The following SGK1 variants were observed in gnomAD, a reference collection of about 807,000 sequenced individuals.
SGK1 encodes serine/threonine-protein kinase Sgk1.
A neutral mutation model predicts 64.2 loss-of-function variants in SGK1; 26 were observed. The ratio of observed to expected loss-of-function variants is 0.40; its 90% CI spans 0.30 to 0.56. SGK1 has a LOEUF of 0.56. Ranked by LOEUF, SGK1 falls within the 20% of genes least tolerant of loss-of-function variation. SGK1 has a pLI of 0.38. For missense variants in SGK1, 519 were observed against 645.6 expected (o/e 0.80, Z 2.12); for synonymous variants, 265 against 239.7 (o/e 1.11, Z -0.98).
At chr6:134,240,662 A>C (rs1207277017) in intron 2 of SGK1, among the ~76,000 whole-genome samples, 1 of 152,242 alleles carries the variant, frequency 6.6e-6, no homozygotes, top group Non-Finnish European at 1.5e-5. Context: ...AGACATTCAA[A>C]AATGATATAT....
At chr6:134,208,936 A>T (rs1186666006) in intron 2 of SGK1, among the ~76,000 whole-genome samples, 2 of 150,110 alleles carry the variant, frequency 1.3e-5, no homozygotes, top group Admixed American at 1.3e-4. Flanking sequence ...TTCGTATATG[A>T]TTTCTTTTCC....
intron 3 of SGK1, chr6:134,174,985 G>A: frequency 8.0e-7 from 1 of 1,248,122 alleles, no homozygotes; most frequent in Non-Finnish European, 1.1e-6. Flanking sequence ...CCGCCTCGCG[G>A]TTTGCTGGCG....
chr6:134,284,645 T>C (rs1777154318), intron 1 of SGK1, among the ~76,000 whole-genome samples: 1 of 151,910 alleles, frequency 6.6e-6, no homozygotes, highest in Admixed American at 6.6e-5. Context: ...CCACTACACC[T>C]AGTTAATTTT....
chr6:134,211,827 T>C (rs1368546334), intron 2 of SGK1, among the ~76,000 whole-genome samples: 1 of 137,352 alleles, frequency 7.3e-6, no homozygotes, highest in Non-Finnish European at 1.5e-5. Flanking sequence ...TGAGCCGAGA[T>C]GGCTCCACTG....
At chr6:134,295,352 A>G (rs758559783) in intron 1 of SGK1, among the ~76,000 whole-genome samples, 60 of 152,194 alleles carry the variant, frequency 3.9e-4, no homozygotes, top group Non-Finnish European at 6.2e-4. Flanking sequence ...TGAGAGTCAC[A>G]ATAAACCACT....
chr6:134,171,403 G>A, intron 11 of SGK1: 1 of 610,644 alleles, frequency 1.6e-6, no homozygotes. Flanking sequence ...GTTAATAAGT[G>A]GTAGTTTTTC....
At chr6:134,208,440 T>A (rs1775828288) in intron 2 of SGK1, among the ~76,000 whole-genome samples, 1 of 152,028 alleles carries the variant, frequency 6.6e-6, no homozygotes, top group African/African-American at 2.4e-5. Flanking sequence ...CATGGATAAG[T>A]TCTTTAGTGG....
intron 3 of SGK1, among the ~76,000 whole-genome samples, chr6:134,193,527 A>G (rs557564612): frequency 2.0e-5 from 3 of 151,850 alleles, no homozygotes; most frequent in East Asian, 3.9e-4. Context: ...TTTTTTTTCT[A>G]GCCCCACTTC....
At chr6:134,181,187 GCT>G (rs908960800) in intron 3 of SGK1, among the ~76,000 whole-genome samples, 10 of 152,086 alleles carry the variant, frequency 6.6e-5, no homozygotes, top group Non-Finnish European at 1.3e-4. Flanking sequence ...AATATAAAGG[GCT>G]CTCTTTCACC....
Position 134,287,842 on chromosome 6 carries a change from G to A in SGK1, c.70-25694C>T, listed in dbSNP as rs368033582. Among the ~76,000 whole-genome samples, 9 of 152,184 alleles carry A rather than the reference G, an allele frequency of 5.9e-5. No homozygotes were observed. In the East Asian group the frequency reaches 7.7e-4, roughly 13 times the overall value. Reference sequence around the variant, plus strand: ...GGGACCCTGTGCTCTATTTTGTTTTGTTGTTAAAGTATCTTTTGGAGAGCT... The same window carrying A: ...GGGACCCTGTGCTCTATTTTGTTTTATTGTTAAAGTATCTTTTGGAGAGCT... On this transcript the variant is annotated intron_variant, in intron 1 of 13. Coordinates refer to ENST00000367858, the MANE Select transcript of SGK1 (RefSeq NM_001143676.3).
intron 13 of SGK1, 195 bp downstream of exon 13, chr6:134,170,631 C>T (rs549134559): frequency 7.4e-6 from 5 of 673,038 alleles, no homozygotes; most frequent in East Asian, 5.3e-5. Flanking sequence ...TTTGGTGCTT[C>T]GAATTGATAA....
At chr6:134,248,578 A>G (rs977424669) in intron 2 of SGK1, among the ~76,000 whole-genome samples, 2 of 150,168 alleles carry the variant, frequency 1.3e-5, no homozygotes, top group African/African-American at 4.9e-5. Flanking sequence ...CAGCCTCCCC[A>G]GTAGCTGGGA....
At chr6:134,314,715 C>T (rs1041634733) in intron 1 of SGK1, among the ~76,000 whole-genome samples, 6 of 151,930 alleles carry the variant, frequency 3.9e-5, no homozygotes, top group African/African-American at 1.5e-4. Flanking sequence ...TGGAATGTCT[C>T]AGAAGCATAG....
chr6:134,276,772 C>T lies in SGK1; in HGVS notation c.70-14624G>A, dbSNP rs1047406243. 5.3e-5 allele frequency among the ~76,000 whole-genome samples: 8 copies of T among 152,318 alleles called. No homozygotes were observed. In the East Asian group the frequency reaches 1.5e-3, roughly 29 times the overall value. Reference sequence around the variant, plus strand: ...GACAGCTTTAAAAATGCAGGCTCAGCTGTGCATGGTGGCTCACACCTATAA... The same window carrying T: ...GACAGCTTTAAAAATGCAGGCTCAGTTGTGCATGGTGGCTCACACCTATAA... On this transcript the variant is annotated intron_variant, in intron 1 of 13. Transcript: ENST00000367858.
intron 3 of SGK1, among the ~76,000 whole-genome samples, chr6:134,181,364 C>T (rs768888827): frequency 1.3e-5 from 2 of 151,914 alleles, no homozygotes; most frequent in Non-Finnish European, 2.9e-5. Flanking sequence ...TTTTTTGAGA[C>T]GGAGGAGTCT....
chr6:134,306,323 T>C (rs912992857), intron 1 of SGK1, among the ~76,000 whole-genome samples: 9 of 151,894 alleles, frequency 5.9e-5, no homozygotes, highest in African/African-American at 1.9e-4. Flanking sequence ...CTCAGGAGGC[T>C]GAGGCAGAAG....
At chr6:134,246,457 C>G (rs755220628) in intron 2 of SGK1, among the ~76,000 whole-genome samples, 5 of 151,780 alleles carry the variant, frequency 3.3e-5, no homozygotes, top group Non-Finnish European at 5.9e-5. Flanking sequence ...ACACCTGGCC[C>G]TTGTTTGATT....
chr6:134,230,185 T>C (rs1776254807), intron 2 of SGK1, among the ~76,000 whole-genome samples: 1 of 152,270 alleles, frequency 6.6e-6, no homozygotes, highest in African/African-American at 2.4e-5. Flanking sequence ...CAAAGATTAT[T>C]GAGGCAGATC....
chr6:134,304,621 G>A (rs1307478857), intron 1 of SGK1, among the ~76,000 whole-genome samples: 2 of 152,020 alleles, frequency 1.3e-5, no homozygotes, highest in Non-Finnish European at 2.9e-5. Context: ...AGGATCACTT[G>A]AGTCTTGAAG....
Sources: allele counts gnomAD v4.1 joint callset (sites outside exome capture counted in the v4.1 genomes callset), GRCh38; gene constraint gnomAD v4.1.1; transcripts MANE v1.5; gene names NCBI Gene and HGNC (gene_info 2026-07-23, HGNC 2026-07-21).